The following EPB41L3 variants were observed in gnomAD, a reference collection of about 807,000 sequenced individuals.
EPB41L3 encodes the protein erythrocyte membrane protein band 4.1 like 3, also known as band 4.1-like protein 3.
Under a neutral mutation model 127.1 loss-of-function variants are expected in EPB41L3, and 57 were observed. The observed-to-expected ratio is 0.45, with a 90% CI of 0.36 to 0.56. The LOEUF (loss-of-function observed/expected upper bound fraction) is 0.56. Ranked by LOEUF, EPB41L3 falls within the 20% of genes least tolerant of loss-of-function variation. The probability of loss-of-function intolerance (pLI) is 0.00; values close to 1 mark genes in which losing one functional copy is unlikely to be tolerated. For synonymous variants in EPB41L3, 572 were observed against 549.5 expected, an observed-to-expected ratio of 1.04 and a Z score of -0.57; for missense variants, 1,273 against 1,372.2, an observed-to-expected ratio of 0.93 and a Z score of 1.14.
At chr18:5,471,938 C>T (rs900569561) in intron 3 of EPB41L3, among the ~76,000 whole-genome samples, 8 of 152,136 alleles carry the variant, frequency 5.3e-5, no homozygotes, top group Non-Finnish European at 7.3e-5. Context: ...CATAGAGCAT[C>T]GACCATCGAA....
chr18:5,544,272 T>C, upstream of EPB41L3: 1 of 985,618 alleles, frequency 1.0e-6, no homozygotes, highest in South Asian at 4.7e-5. Context: ...GCCAATAGCT[T>C]TAGCCCTTTA....
rs9967086 is a variant in EPB41L3, at chr18:5,603,192, A to T, written c.-306+9148T>A. 4.8e-3 allele frequency among the ~76,000 whole-genome samples: 733 copies of T among 152,308 alleles called. 5 individuals are homozygous for T. Among genetic ancestry groups the T allele is most frequent in the African/African-American group, 0.017 (712 of 41,554 alleles). On this transcript the variant is annotated intron_variant, in intron 3 of 21. Coordinates refer to the EPB41L3 transcript ENST00000545076. ...TGAGCAATAATTAAAGATAAGGTAG[A>T]AAAAACAAAGGACGTGCATATACAT...
In EPB41L3 at chr18:5,596,455, C is replaced by G. The variant is rs571799393; in HGVS notation, c.-306+15885G>C. Among the ~76,000 whole-genome samples the G allele has an allele frequency of 7.9e-5, 12 of 152,226 alleles. No individual in the cohort carries two copies. The South Asian group carries it at 2.5e-3, about 32-fold the overall frequency. ...CCAAAAGTAACAGCTAAGTAGGACG[C>G]CCAGGGTCTAACCACATTATGATTA... On this transcript the variant is annotated intron_variant, in intron 3 of 21. Transcript: ENST00000545076.
rs151024680 is a variant in EPB41L3, at chr18:5,532,033, C to T, written c.-12+11880G>A. On this transcript the variant is annotated intron_variant, in intron 1 of 22. Transcript: ENST00000341928. ...GGCCTGCCGTGTGTGAGGCACTGTACCAGGCTCAAAGACACAAAGATGATT... is the reference window on the plus strand; with the variant it reads ...GGCCTGCCGTGTGTGAGGCACTGTATCAGGCTCAAAGACACAAAGATGATT... Among the ~76,000 whole-genome samples, 144 of 152,284 alleles carry T rather than the reference C, an allele frequency of 9.5e-4. 1 individual carries two copies. The highest frequency in any genetic ancestry group is 2.5e-3 in the South Asian group (12 of 4,826).
At chr18:5,584,991 G>A (rs1305924399) in intron 3 of EPB41L3, among the ~76,000 whole-genome samples, 1 of 152,148 alleles carries the variant, frequency 6.6e-6, no homozygotes, top group African/African-American at 2.4e-5. Flanking sequence ...TGTAGAGGAG[G>A]TACAGTTTCC....
chr18:5,561,471 A>G (rs1161206576), intron 3 of EPB41L3, among the ~76,000 whole-genome samples: 5 of 152,186 alleles, frequency 3.3e-5, no homozygotes, highest in Non-Finnish European at 7.3e-5. Flanking sequence ...GGATTATAAC[A>G]CAAGGAATCT....
intron 10 of EPB41L3, 106 bp from the exon 11 acceptor site, chr18:5,423,659 T>A: frequency 1.0e-6 from 1 of 989,646 alleles, no homozygotes; most frequent in Middle Eastern, 2.7e-4. Context: ...TGCTAAACAT[T>A]TAACGCACAA....
At chr18:5,542,272 T>A (rs974140707) in intron 1 of EPB41L3, among the ~76,000 whole-genome samples, 1 of 152,276 alleles carries the variant, frequency 6.6e-6, no homozygotes, top group African/African-American at 2.4e-5. Context: ...TAATTGGGAC[T>A]ACGTCCATGG....
intron 3 of EPB41L3, among the ~76,000 whole-genome samples, chr18:5,598,739 C>A (rs988304015): frequency 6.6e-6 from 1 of 152,310 alleles, no homozygotes; most frequent in South Asian, 2.1e-4. Flanking sequence ...GATGTCCTTG[C>A]CTTTAGAATT....
intron 9 of EPB41L3, among the ~76,000 whole-genome samples, chr18:5,424,825 T>C (rs1048270963): frequency 3.3e-5 from 5 of 152,206 alleles, no homozygotes; most frequent in African/African-American, 1.2e-4. Flanking sequence ...AGGAAATATG[T>C]GTATTTCTTA....
At chr18:5,584,387 C>G (rs933454254) in intron 3 of EPB41L3, among the ~76,000 whole-genome samples, 13 of 152,102 alleles carry the variant, frequency 8.5e-5, no homozygotes, top group Non-Finnish European at 1.5e-4. Flanking sequence ...TTGTTGCTTT[C>G]ATGGTTTCAG....
chr18:5,431,646 CTTAT>C (rs1318596588), intron 8 of EPB41L3, among the ~76,000 whole-genome samples: 3 of 152,022 alleles, frequency 2.0e-5, no homozygotes, highest in Non-Finnish European at 4.4e-5. Context: ...CTTTTATTTA[CTTAT>C]TTATTTATTT....
chr18:5,544,895 A>C (rs1598881041), upstream of EPB41L3, among the ~76,000 whole-genome samples: 1 of 152,202 alleles, frequency 6.6e-6, no homozygotes, highest in South Asian at 2.1e-4. Context: ...CATCTCATGT[A>C]CCCCATAAAC....
rs1356963555 is a variant in EPB41L3, at chr18:5,543,337, C to T, written c.-12+576G>A. 1 of 149,162 alleles carries T rather than the reference C, an allele frequency of 6.7e-6. No homozygotes were observed. The highest frequency in any genetic ancestry group is 1.5e-5 in the Non-Finnish European group (1 of 66,992). The allele number at this position is 149,162 out of a possible 1,614,324, so 9.2% of individuals were successfully genotyped here. On this transcript the variant is annotated intron_variant, in intron 1 of 22. Coordinates refer to ENST00000341928, the MANE Select transcript of EPB41L3 (RefSeq NM_012307.5). This position sits in a 1 kb window ranked among gnomAD's most constrained non-coding sequence, Gnocchi z 5.2. ...CCTTATCGGCCCCGCGCTGCGCCCG[C>T]CCGCGCCTGCACCCGGGACGAGCCC...
At chr18:5,546,785 T>C (rs972029150), upstream of EPB41L3, among the ~76,000 whole-genome samples, 1 of 152,184 alleles carries the variant, frequency 6.6e-6, no homozygotes, top group African/African-American at 2.4e-5. Flanking sequence ...TGCCTGCATC[T>C]TGATAATAGC....
At chr18:5,606,132 AT>A (rs1378367112) in intron 3 of EPB41L3, among the ~76,000 whole-genome samples, 4 of 152,142 alleles carry the variant, frequency 2.6e-5, no homozygotes, top group African/African-American at 4.8e-5. Flanking sequence ...TTCTTGGCCA[AT>A]TTTTTTAAGA....
At position 5,433,934 on chromosome 18, in the gene EPB41L3, CTTCCAG is replaced by C; in HGVS notation, c.787_792del (p.Leu263_Glu264del). On this transcript the variant is annotated inframe_deletion, in exon 7 of 23. Transcript: ENST00000341928. ...CTCTTGTGCAGCTCGATCACTTTGTCTTCCAGTTCTTTAGTGTGGTTTGGTGCAAAG... is the reference window on the plus strand; with the variant it reads ...CTCTTGTGCAGCTCGATCACTTTGTCTTCTTTAGTGTGGTTTGGTGCAAAG... The C allele has an allele frequency of 6.2e-7, 1 of 1,614,220 alleles. No homozygotes were observed. Among genetic ancestry groups the C allele is most frequent in the Non-Finnish European group, 8.5e-7 (1 of 1,180,044 alleles).
chr18:5,433,763 G>A (rs2145804524), intron 7 of EPB41L3, 140 bp downstream of exon 7: 1 of 1,014,718 alleles, frequency 9.9e-7, no homozygotes, highest in South Asian at 1.5e-5. Context: ...GCCCATCTCA[G>A]AATTTTACTG....
rs368350627 is a variant in EPB41L3 at position 5,395,050 on chromosome 18, C to A, written c.3153+17G>T. The A allele has an allele frequency of 6.2e-7, 1 of 1,611,754 alleles. No homozygotes were observed. Among genetic ancestry groups the A allele is most frequent in the East Asian group, 2.2e-5 (1 of 44,876 alleles). On this transcript the variant is annotated intron_variant, in intron 21 of 22. Coordinates refer to ENST00000341928, the MANE Select transcript of EPB41L3 (RefSeq NM_012307.5). ...TTTGTTTCTCTGCCAGGGTATTTAC[C>A]GTCTCACACACACTACCTGGTCATG...
Sources: allele counts gnomAD v4.1 joint callset (sites outside exome capture counted in the v4.1 genomes callset), GRCh38; gene constraint gnomAD v4.1.1; non-coding constraint Gnocchi (gnomAD v3.1); transcripts MANE v1.5; gene names NCBI Gene and HGNC (gene_info 2026-07-23, HGNC 2026-07-21).